The following ZNF277 variants were observed in gnomAD, a reference collection of about 807,000 sequenced individuals.
ZNF277 encodes zinc finger protein 277, also known as nuclear receptor-interacting factor 4.
Under a neutral mutation model 60.7 loss-of-function variants are expected in ZNF277, and 55 were observed. The ratio of observed to expected loss-of-function variants is 0.91; its 90% CI spans 0.73 to 1.13. The LOEUF (loss-of-function observed/expected upper bound fraction) is 1.13, where lower values mean the gene tolerates loss of function less well. Among genes scored for constraint, ZNF277 ranks in the 50% most tolerant of loss-of-function variants. ZNF277 has a pLI of 0.00. For missense variants in ZNF277, 510 were observed against 523.0 expected (o/e 0.98, Z 0.24); for synonymous variants, 178 against 179.3 (o/e 0.99, Z 0.06).
intron 4 of ZNF277, among the ~76,000 whole-genome samples, chr7:112,307,656 C>T (rs6971586): frequency 0.058 from 8,794 of 151,780 alleles, 350 homozygotes; most frequent in East Asian, 0.11. Context: ...CTCAAGTGAT[C>T]CACCCGCCTC....
chr7:112,330,301 C>A, intron 7 of ZNF277, 85 bp downstream of exon 7: 3 of 1,377,368 alleles, frequency 2.2e-6, no homozygotes, highest in Non-Finnish European at 3.0e-6. Flanking sequence ...TTTGAATAAG[C>A]AATTATTGCA....
At chr7:112,318,019 T>G (rs1335712246) in intron 4 of ZNF277, among the ~76,000 whole-genome samples, 163 bp from the exon 5 acceptor site, 2 of 152,112 alleles carry the variant, frequency 1.3e-5, no homozygotes, top group Non-Finnish European at 2.9e-5. Context: ...GGGACAGACT[T>G]GGAGTTTAAT....
intron 1 of ZNF277, among the ~76,000 whole-genome samples, chr7:112,283,047 A>T (rs1264780406): frequency 6.6e-6 from 1 of 152,190 alleles, no homozygotes; most frequent in Admixed American, 6.5e-5. Flanking sequence ...ATGCCAGGTA[A>T]ATAAAGACAA....
chr7:112,296,240 A>T lies in ZNF277; in HGVS notation c.394A>T (p.Asn132Tyr), dbSNP rs1792323433. The stretch of plus-strand genomic sequence containing the variant: ...TAATCTCTCAACAGAAGAACAAGAG[A>T]ATTATTTTTTGTTATGTGACGTTTT... Reference protein sequence around the residue: ...NSTAPFEEQENYFLLCDVLPE... With the variant: ...NSTAPFEEQEYYFLLCDVLPE... The change falls in exon 4 of 12, where the codon AAT becomes TAT. Residue 132 changes from asparagine to tyrosine, a missense_variant. By Grantham distance (143) the Asn-to-Tyr change is moderately radical. Coordinates refer to ENST00000361822, the MANE Select transcript of ZNF277 (RefSeq NM_021994.3). The T allele has an allele frequency of 6.3e-7, 1 of 1,575,764 alleles. No individual in the cohort carries two copies. Among genetic ancestry groups the T allele is most frequent in the Admixed American group, 1.9e-5 (1 of 52,478 alleles).
chr7:112,327,060 T>G (rs976705884), intron 5 of ZNF277, among the ~76,000 whole-genome samples: 1 of 152,238 alleles, frequency 6.6e-6, no homozygotes, highest in East Asian at 1.9e-4. Flanking sequence ...AATGATACTC[T>G]GGCTAAATGC....
At chr7:112,253,450 C>G (rs894699472) in intron 1 of ZNF277, among the ~76,000 whole-genome samples, 3 of 152,130 alleles carry the variant, frequency 2.0e-5, no homozygotes, top group African/African-American at 4.8e-5. Flanking sequence ...CTGTTGAAAT[C>G]TACCTCTCAT....
rs191119827 is a variant in ZNF277, at chr7:112,262,801, T to C, written c.92-24072T>C. Among the ~76,000 whole-genome samples the C allele has an allele frequency of 2.6e-5, 4 of 152,266 alleles. No homozygotes were observed. In the South Asian group the frequency reaches 6.2e-4, roughly 24 times the overall value. ...ATACTTTTGGTTATAAAAGTTGATATATAATACTGCCTAACTTCATAGGGA... is the reference window on the plus strand; with the variant it reads ...ATACTTTTGGTTATAAAAGTTGATACATAATACTGCCTAACTTCATAGGGA... On this transcript the variant is annotated intron_variant, in intron 1 of 11. Transcript: ENST00000361822.
chr7:112,262,889 A>G (rs181774301), intron 1 of ZNF277, among the ~76,000 whole-genome samples: 1 of 152,302 alleles, frequency 6.6e-6, no homozygotes, highest in African/African-American at 2.4e-5. Flanking sequence ...AATAAAATAT[A>G]TATTGTATTT....
intron 4 of ZNF277, among the ~76,000 whole-genome samples, chr7:112,307,948 G>T (rs888961579): frequency 4.6e-5 from 7 of 151,796 alleles, no homozygotes; most frequent in Non-Finnish European, 7.4e-5. Flanking sequence ...AGCTTCAAGA[G>T]ACTATTGACC....
At chr7:112,312,949 C>A (rs1792764933) in intron 4 of ZNF277, among the ~76,000 whole-genome samples, 1 of 151,898 alleles carries the variant, frequency 6.6e-6, no homozygotes, top group African/African-American at 2.4e-5. Context: ...ATATTTTTTT[C>A]ATATTTTATG....
Position 112,336,105 on chromosome 7 carries a change from A to G in ZNF277, c.803A>G (p.Glu268Gly). The change falls in exon 8 of 12, where the codon GAA becomes GGA. Residue 268 changes from glutamate (E) to glycine (G), a missense_variant and splice_region_variant. Physicochemically the swap from Glu to Gly is moderately conservative, Grantham distance 98 (BLOSUM62 -2). Transcript: ENST00000361822. ...CATCCCTCTGTTCTTCCTACAAAGG[A>G]ACTTGGAAAATCGTGGGAAGAAGTT... ...YDRFYVINYL[E>G]LGKSWEEVQL... The G allele has an allele frequency of 6.2e-7, 1 of 1,611,372 alleles. No individual in the cohort carries two copies. Among genetic ancestry groups the G allele is most frequent in the Non-Finnish European group, 8.5e-7 (1 of 1,178,398 alleles).
At chr7:112,225,052 A>C (rs577169835) in intron 1 of ZNF277, among the ~76,000 whole-genome samples, 6 of 152,362 alleles carry the variant, frequency 3.9e-5, no homozygotes, top group Non-Finnish European at 5.9e-5. Flanking sequence ...AAGAAGTGAT[A>C]GAATCAGGGC....
Position 112,216,826 on chromosome 7 carries a change from A to G in ZNF277, c.91+10019A>G, listed in dbSNP as rs372692458. The stretch of plus-strand genomic sequence containing the variant: ...ATATGGCCTGAAGAATTAGTTGCAC[A>G]TGTGTGTGTCATTGATCAGGTGTAT... On this transcript the variant is annotated intron_variant, in intron 1 of 11. Transcript: ENST00000361822. Among the ~76,000 whole-genome samples the G allele has an allele frequency of 7.9e-5, 12 of 152,338 alleles. No homozygotes were observed. In the East Asian group the frequency reaches 1.7e-3, roughly 22 times the overall value.
At chr7:112,289,461 A>G (rs1353889353) in intron 2 of ZNF277, among the ~76,000 whole-genome samples, 1 of 152,188 alleles carries the variant, frequency 6.6e-6, no homozygotes, top group Non-Finnish European at 1.5e-5. Context: ...TGCTAAAATA[A>G]ACTAATTCCC....
intron 1 of ZNF277, among the ~76,000 whole-genome samples, chr7:112,213,788 C>T (rs1054782420): frequency 4.6e-5 from 7 of 152,142 alleles, no homozygotes; most frequent in African/African-American, 1.7e-4. Flanking sequence ...GCCAATGTTA[C>T]CATAGAAAGG....
At chr7:112,320,442 G>A (rs918447149) in intron 5 of ZNF277, among the ~76,000 whole-genome samples, 3 of 152,072 alleles carry the variant, frequency 2.0e-5, no homozygotes, top group Non-Finnish European at 2.9e-5. Flanking sequence ...GACACAACTT[G>A]ATTCCACCTA....
intron 4 of ZNF277, among the ~76,000 whole-genome samples, chr7:112,300,109 G>A (rs1184154565): frequency 6.6e-6 from 1 of 152,100 alleles, no homozygotes; most frequent in Non-Finnish European, 1.5e-5. Flanking sequence ...TGTTTTCTGT[G>A]TGAGTGGCTG....
chr7:112,229,427 T>C (rs1005354273), intron 1 of ZNF277, among the ~76,000 whole-genome samples: 6 of 152,136 alleles, frequency 3.9e-5, no homozygotes, highest in Admixed American at 6.5e-5. Flanking sequence ...AGAGAAGCAG[T>C]GGTAGATAAA....
chr7:112,313,705 T>C (rs1792781884), intron 4 of ZNF277, among the ~76,000 whole-genome samples: 1 of 152,136 alleles, frequency 6.6e-6, no homozygotes, highest in Non-Finnish European at 1.5e-5. Context: ...TAGTAGACCA[T>C]TCTCTTTGTT....
Sources: allele counts gnomAD v4.1 joint callset (sites outside exome capture counted in the v4.1 genomes callset), GRCh38; gene constraint gnomAD v4.1.1; transcripts MANE v1.5; gene names NCBI Gene and HGNC (gene_info 2026-07-23, HGNC 2026-07-21).